Variants in STARD6 observed in about 807,000 individuals in gnomAD.
The protein encoded by STARD6 is stAR-related lipid transfer protein 6.
A neutral mutation model predicts 22.3 loss-of-function variants in STARD6; 21 were observed. That is an observed-to-expected ratio of 0.94 (90% CI 0.67 to 1.35). The LOEUF is 1.35. Ranked by LOEUF, STARD6 falls within the 40% of genes most tolerant of loss-of-function variation. STARD6 has a pLI of 0.00. For missense variants in STARD6, 269 were observed against 266.9 expected, an observed-to-expected ratio of 1.01 and a Z score of -0.05; for synonymous variants, 80 against 88.1, an observed-to-expected ratio of 0.91 and a Z score of 0.52.
intron 5 of STARD6, among the ~76,000 whole-genome samples, chr18:54,335,499 TG>T (rs1417861513): frequency 6.6e-6 from 1 of 151,970 alleles, no homozygotes; most frequent in Non-Finnish European, 1.5e-5. Context: ...CAGCCCCAGG[TG>T]GTTATTTTTA....
At chr18:54,335,150 C>T (rs1227768749) in intron 5 of STARD6, among the ~76,000 whole-genome samples, 1 of 151,432 alleles carries the variant, frequency 6.6e-6, no homozygotes, top group Non-Finnish European at 1.5e-5. Flanking sequence ...AGAATCATCC[C>T]CCCATCCCTC....
intron 4 of STARD6, among the ~76,000 whole-genome samples, chr18:54,339,698 G>A (rs1394944919): frequency 6.6e-6 from 1 of 152,180 alleles, no homozygotes; most frequent in African/African-American, 2.4e-5. Flanking sequence ...TTTATTGGTA[G>A]TAGTCCTGCC....
At chr18:54,351,727 G>A (rs979631964) in intron 4 of STARD6, among the ~76,000 whole-genome samples, 5 of 151,940 alleles carry the variant, frequency 3.3e-5, no homozygotes, top group African/African-American at 7.2e-5. Context: ...TTTAATTTTG[G>A]TTATGTGATC....
intron 7 of STARD6, among the ~76,000 whole-genome samples, chr18:54,325,305 T>C (rs961331757): frequency 3.3e-5 from 5 of 152,192 alleles, no homozygotes; most frequent in Non-Finnish European, 7.3e-5. Context: ...TCCCCACATA[T>C]ATAAATATAG....
At chr18:54,329,280 T>A in intron 7 of STARD6, 67 bp downstream of exon 7, 1 of 1,319,612 alleles carries the variant, frequency 7.6e-7, no homozygotes, top group African/African-American at 1.5e-5. Flanking sequence ...GAGCCAGCAA[T>A]CTTAAACTAA....
chr18:54,353,388 G>A (rs2089115088), intron 4 of STARD6, among the ~76,000 whole-genome samples: 1 of 152,210 alleles, frequency 6.6e-6, no homozygotes, highest in Admixed American at 6.5e-5. Context: ...GAGGAAGTAG[G>A]CTGGGCACAG....
intron 4 of STARD6, among the ~76,000 whole-genome samples, chr18:54,349,514 A>C (rs1170527257): frequency 2.6e-5 from 4 of 152,108 alleles, no homozygotes; most frequent in African/African-American, 4.8e-5. Context: ...GTTTGGACTT[A>C]TTTCAATAGG....
At chr18:54,331,432 T>G (rs918035138) in intron 6 of STARD6, among the ~76,000 whole-genome samples, 16 of 152,312 alleles carry the variant, frequency 1.1e-4, no homozygotes, top group African/African-American at 3.1e-4. Context: ...ATCTGACAAT[T>G]AATTTTGTTT....
intron 5 of STARD6, among the ~76,000 whole-genome samples, chr18:54,336,543 G>A (rs1213921067): frequency 2.6e-5 from 4 of 152,038 alleles, no homozygotes; most frequent in Non-Finnish European, 4.4e-5. Context: ...CATAGCCGGC[G>A]GACTCATACA....
intron 4 of STARD6, 54 bp from the exon 5 acceptor site, chr18:54,337,305 G>T: frequency 6.5e-7 from 1 of 1,535,798 alleles, no homozygotes; most frequent in South Asian, 1.2e-5. Flanking sequence ...AGTCTAAGCT[G>T]AAAATATAAT....
At chr18:54,352,705 T>C (rs1187736626) in intron 4 of STARD6, among the ~76,000 whole-genome samples, 4 of 152,250 alleles carry the variant, frequency 2.6e-5, no homozygotes, top group Admixed American at 6.5e-5. Context: ...TGTTTAGTTT[T>C]GCATGTAAGA....
chr18:54,332,588 T>A (rs927340501), intron 5 of STARD6, among the ~76,000 whole-genome samples: 1 of 152,240 alleles, frequency 6.6e-6, no homozygotes, highest in Non-Finnish European at 1.5e-5. Flanking sequence ...TGTTGCCCTG[T>A]GTGGCATAGT....
intron 5 of STARD6, among the ~76,000 whole-genome samples, chr18:54,335,280 C>T (rs191031352): frequency 1.2e-4 from 19 of 152,050 alleles, no homozygotes; most frequent in South Asian, 8.3e-4. Flanking sequence ...CTGCAACCTC[C>T]GCCTCCTTGG....
At chr18:54,330,290 T>C (rs1368205399) in intron 6 of STARD6, among the ~76,000 whole-genome samples, 1 of 152,046 alleles carries the variant, frequency 6.6e-6, no homozygotes, top group Non-Finnish European at 1.5e-5. Context: ...TAACAGAGCC[T>C]ATAATAGTAC....
intron 4 of STARD6, among the ~76,000 whole-genome samples, chr18:54,346,762 A>G (rs1178777160): frequency 2.0e-5 from 3 of 152,156 alleles, no homozygotes; most frequent in Non-Finnish European, 4.4e-5. Flanking sequence ...ACATGGGTAA[A>G]CCTCAAAAAC....
At chr18:54,352,093 T>A (rs528311160) in intron 4 of STARD6, among the ~76,000 whole-genome samples, 3 of 151,768 alleles carry the variant, frequency 2.0e-5, no homozygotes, top group African/African-American at 4.8e-5. Context: ...GTTGGCAATT[T>A]AAAAAATTAT....
At chr18:54,357,002 C>T (rs1235193752) in intron 1 of STARD6, 1 of 152,164 alleles carries the variant, frequency 6.6e-6, no homozygotes, top group Non-Finnish European at 1.5e-5. Context: ...ATTTAGTAGG[C>T]TACAAAGGGT....
intron 3 of STARD6, 141 bp downstream of exon 3, chr18:54,354,343 G>T: frequency 1.4e-6 from 1 of 736,964 alleles, no homozygotes; most frequent in Non-Finnish European, 2.2e-6. Context: ...GTCCTCCTGT[G>T]TTAGCCTCCT....
At chr18:54,339,248 A>G (rs1226063642) in intron 4 of STARD6, among the ~76,000 whole-genome samples, 2 of 151,588 alleles carry the variant, frequency 1.3e-5, no homozygotes, top group African/African-American at 4.8e-5. Context: ...TCCAGCCTGG[A>G]TAAGAGAGTG....
Sources: gnomAD v4.1 joint callset for allele counts (sites outside exome capture counted in the v4.1 genomes callset) on GRCh38, gnomAD v4.1.1 for gene constraint, MANE v1.5 for transcripts, NCBI Gene and HGNC (gene_info 2026-07-23, HGNC 2026-07-21) for gene names.